The following ATP1B4 variants were observed in gnomAD, a reference collection of about 807,000 sequenced individuals.
The protein encoded by ATP1B4 is protein ATP1B4.
A neutral mutation model predicts 29.6 loss-of-function variants in ATP1B4; 32 were observed. The ratio of observed to expected loss-of-function variants is 1.08; its 90% confidence interval spans 0.82 to 1.45. ATP1B4 has a LOEUF of 1.45. Ranked by LOEUF, ATP1B4 falls within the 40% of genes most tolerant of loss-of-function variation. ATP1B4 has a pLI of 0.00. For synonymous variants in ATP1B4, 127 were observed against 102.1 expected (o/e 1.24, Z -1.47); for missense variants, 323 against 276.2 (o/e 1.17, Z -1.20).
chrX:120,379,628 A>T lies in ATP1B4; in HGVS notation c.1068A>T (p.Glu356Asp), dbSNP rs1334182837. 1 of 1,201,211 alleles carries T rather than the reference A, an allele frequency of 8.3e-7. No individual in the cohort carries two copies. The highest frequency in any genetic ancestry group is 1.8e-5 in the African/African-American group (1 of 56,711). The change falls in exon 8 of 8, where the codon GAA (glutamate) becomes GAT (aspartate). Residue 356 changes from glutamate (E) to aspartate (D), a missense_variant. Coordinates refer to ENST00000218008, the MANE Select transcript of ATP1B4 (RefSeq NM_001142447.3). ...GGGTAATCTTTACCCTGAACATAGA[A>T]ACTTAAGAACTTCAGGGGGCCATTC... ...VGRVIFTLNI[E>D]T
In ATP1B4 at chrX:120,375,457, C is replaced by G; in HGVS notation, c.648C>G (p.Asp216Glu). 8.3e-7 allele frequency: 1 copy of G among 1,210,956 alleles called. No homozygotes were observed. The highest frequency in any genetic ancestry group is 1.1e-6 in the Non-Finnish European group (1 of 894,884). The change falls in exon 5 of 8, where the codon GAC becomes GAG. Residue 216 changes from aspartate (D) to glutamate (E), a missense_variant. Transcript: ENST00000218008. ...YFIQDGNEDE[D>E]KKACQFKRSF... is the part of the protein sequence containing the mutation. ...TCCAAGATGGCAATGAGGATGAGGA[C>G]AAGAAGGCCTGCCAATTTAAGCGCT... is the stretch of plus-strand genomic sequence containing the variant.
chrX:120,371,125 C>T lies in ATP1B4; in HGVS notation c.477C>T (p.Phe159=), dbSNP rs188398114. 2.5e-5 allele frequency: 30 copies of T among 1,208,714 alleles called. No homozygotes were observed. Among genetic ancestry groups the T allele is most frequent in the East Asian group, 1.2e-4 (4 of 33,779 alleles). ...VKPPGVMIRP[F]AHSLNFNFNV... ...TGCCAGGAGTTATGATCAGACCCTTCGCCCATAGCCTTAACTTCAACTTCA... is the reference window on the plus strand; with the variant it reads ...TGCCAGGAGTTATGATCAGACCCTTTGCCCATAGCCTTAACTTCAACTTCA... The change falls in exon 4 of 8, where the codon TTC becomes TTT. Residue 159 remains phenylalanine (F), a synonymous_variant. Transcript: ENST00000218008.
intron 4 of ATP1B4, among the ~76,000 whole-genome samples, chrX:120,374,197 C>T (rs2058328483): frequency 9.1e-6 from 1 of 110,311 alleles, no homozygotes; most frequent in South Asian, 3.9e-4. Flanking sequence ...CAATCAAATC[C>T]ATGTACATTG....
At chrX:120,375,235 C>T in intron 4 of ATP1B4, 137 bp from the exon 5 acceptor site, 2 of 540,930 alleles carry the variant, frequency 3.7e-6, no homozygotes, top group Non-Finnish European at 6.1e-6. Context: ...TGCCAGGTCA[C>T]AGGTAGACTG....
rs2058377719 is a variant in ATP1B4, at chrX:120,380,718, T to C, written c.*1084T>C. The C allele has an allele frequency of 1.8e-5, 2 of 112,301 alleles. No homozygotes were observed. Among genetic ancestry groups the C allele is most frequent in the African/African-American group, 3.2e-5 (1 of 30,869 alleles). 9.3% of individuals were successfully genotyped at this position (112,301 alleles called of 1,213,427 possible). On this transcript the variant is annotated 3_prime_UTR_variant, in exon 8 of 8. Transcript: ENST00000218008. ...AGACCAGCAGCTACAGCTCTGGAAA[T>C]TGAAATCATAATCTGTCAATGAATA... is the stretch of plus-strand genomic sequence containing the variant.
Position 120,374,333 on chromosome X carries a change from C to T in ATP1B4, c.563-1039C>T, listed in dbSNP as rs887247272. 1.5e-4 allele frequency among the ~76,000 whole-genome samples: 16 copies of T among 105,762 alleles called. No individual in the cohort carries two copies. In the East Asian group the frequency reaches 3.6e-3, roughly 24 times the overall value. The allele number at this position is 105,762 out of a possible 115,157, so 91.8% of individuals were successfully genotyped here. A position where few individuals can be genotyped will look rare whatever the true frequency, so the allele number is the denominator to read the frequency against. ...CGGGAGGTGGGGTGCTACTGAACCA[C>T]GAGCAGGTAGCCATAAGGGCAATCC... On this transcript the variant is annotated intron_variant, in intron 4 of 7. Transcript: ENST00000218008.
In ATP1B4 at chrX:120,366,517, T is replaced by A. The variant is rs752387216; in HGVS notation, c.64-8T>A. On this transcript the variant is annotated splice_polypyrimidine_tract_variant and splice_region_variant and intron_variant, in intron 1 of 7. Transcript: ENST00000218008. ...CAAAAAGGGTATTGTGTTTTGTCAC[T>A]GTTCCAGGATGATCCGGATGAAGCG... 8.4e-7 allele frequency: 1 copy of A among 1,193,248 alleles called. No homozygotes were observed. The highest frequency in any genetic ancestry group is 1.8e-5 in the African/African-American group (1 of 56,351).
chrX:120,375,890 C>CT (rs1187326245), intron 5 of ATP1B4, among the ~76,000 whole-genome samples: 2 of 110,492 alleles, frequency 1.8e-5, no homozygotes, highest in Non-Finnish European at 3.8e-5. Context: ...GTTGCTTGAG[C>CT]TTAGGAGTTC....
At position 120,375,183 on chromosome X, in the gene ATP1B4, TC is replaced by T. The variant is rs778455301; in HGVS notation, c.563-187del. Among the ~76,000 whole-genome samples, 610 of 106,803 alleles carry T rather than the reference TC, an allele frequency of 5.7e-3. 1 individual carries two copies. Among genetic ancestry groups the T allele is most frequent in the South Asian group, 0.011 (26 of 2,434 alleles). The allele number at this position is 106,803 out of a possible 115,157, so 92.7% of individuals were successfully genotyped here. ...GCTGAAGTGACTAGTCAGGAAGACT[TC>T]CTAGAGGGATGGCTGCCGATGAAGG... On this transcript the variant is annotated intron_variant, in intron 4 of 7. Transcript: ENST00000218008.
chrX:120,378,001 C>T (rs943418478), intron 6 of ATP1B4, among the ~76,000 whole-genome samples: 1 of 111,835 alleles, frequency 8.9e-6, no homozygotes. Context: ...GCAGCCCCTA[C>T]CTGACATAAT....
Position 120,376,366 on chromosome X carries a change from T to A in ATP1B4, c.760-14T>A, listed in dbSNP as rs1226180094. 3.3e-6 allele frequency: 4 copies of A among 1,203,936 alleles called. No individual in the cohort carries two copies. In the African/African-American group the frequency reaches 7.0e-5, roughly 21 times the overall value. On this transcript the variant is annotated splice_polypyrimidine_tract_variant and intron_variant, in intron 5 of 7. Transcript: ENST00000218008. ...TTGTTAAAAAAAAATAAAACACTGG[T>A]TTTCTTTTGATAGATTGTAGGCTTT... is the stretch of plus-strand genomic sequence containing the variant.
Position 120,366,598 on chromosome X carries a change from C to T in ATP1B4, c.137C>T (p.Thr46Met), listed in dbSNP as rs147823363. The T allele has an allele frequency of 2.9e-3, 3,464 of 1,195,912 alleles. 6 individuals are homozygous for T. The highest frequency in any genetic ancestry group is 0.011 in the Middle Eastern group (48 of 4,313). Residue 46 changes from threonine to methionine, a missense_variant, in exon 2 of 8, where the codon ACG becomes ATG. Transcript: ENST00000218008. ...EEEAEEEARV[T>M]VVPKSEEEEE... ...GAAGCAGAAGAAGAGGCTCGGGTGA[C>T]GGTGGTGCCCAAATCGGAGGAGGAG...
chrX:120,365,477 G>C (rs998496280), intron 1 of ATP1B4, among the ~76,000 whole-genome samples: 1 of 112,207 alleles, frequency 8.9e-6, no homozygotes, highest in Non-Finnish European at 1.9e-5. Context: ...ATCAGGCCGG[G>C]AGGGGGCAGC....
rs1465548201 is a variant in ATP1B4, at chrX:120,381,745, C to T, written c.*2111C>T. The T allele has an allele frequency of 1.8e-5, 2 of 112,357 alleles. No individual in the cohort carries two copies. Among genetic ancestry groups the T allele is most frequent in the South Asian group, 3.7e-4 (1 of 2,712 alleles). The allele number at this position is 112,357 out of a possible 1,213,427, so 9.3% of individuals were successfully genotyped here. A position where few individuals can be genotyped will look rare whatever the true frequency, so the allele number is the denominator to read the frequency against. On this transcript the variant is annotated 3_prime_UTR_variant, in exon 8 of 8. Coordinates refer to ENST00000218008, the MANE Select transcript of ATP1B4 (RefSeq NM_001142447.3). ...GGATTACAGGCGTGAGCCACCGCACCCGGCTTGCAATTTAGAAAGGGCACT... is the reference window on the plus strand; with the variant it reads ...GGATTACAGGCGTGAGCCACCGCACTCGGCTTGCAATTTAGAAAGGGCACT...
chrX:120,371,357 C>T (rs2058312598), intron 4 of ATP1B4, 147 bp downstream of exon 4: 2 of 459,812 alleles, frequency 4.3e-6, no homozygotes, highest in Non-Finnish European at 3.8e-6. Context: ...CCCCTTAGCA[C>T]CTGTAGCTAC....
At position 120,378,670 on chromosome X, in the gene ATP1B4, G is replaced by T. The variant is rs776312544; in HGVS notation, c.817-8G>T. The T allele has an allele frequency of 8.3e-7, 1 of 1,204,677 alleles. No homozygotes were observed. The highest frequency in any genetic ancestry group is 1.8e-5 in the African/African-American group (1 of 56,859). On this transcript the variant is annotated splice_polypyrimidine_tract_variant and splice_region_variant and intron_variant, in intron 6 of 7. Transcript: ENST00000218008. ...CAGCACCCCACATATACCTGCTTTTGCTTACAGAGAGGTGATGAAAATGAC... is the reference window on the plus strand; with the variant it reads ...CAGCACCCCACATATACCTGCTTTTTCTTACAGAGAGGTGATGAAAATGAC...
At chrX:120,369,787 G>A (rs1413688086) in intron 2 of ATP1B4, among the ~76,000 whole-genome samples, 2 of 111,909 alleles carry the variant, frequency 1.8e-5, no homozygotes, top group Non-Finnish European at 3.8e-5. Context: ...GGTGCAATTA[G>A]TATTTGCCAG....
chrX:120,375,245 G>C, intron 4 of ATP1B4, 127 bp from the exon 5 acceptor site: 2 of 573,564 alleles, frequency 3.5e-6, no homozygotes, highest in Admixed American at 3.2e-5. Context: ...CAGGTAGACT[G>C]AGTGGGCTTT....
intron 1 of ATP1B4, among the ~76,000 whole-genome samples, chrX:120,362,465 G>A (rs1261705701): frequency 9.0e-6 from 1 of 111,697 alleles, no homozygotes; most frequent in Non-Finnish European, 1.9e-5. Context: ...CAAAGATAAG[G>A]GAAGGAGAAG....
Sources: gnomAD v4.1 joint callset for allele counts (sites outside exome capture counted in the v4.1 genomes callset) on GRCh38, gnomAD v4.1.1 for gene constraint, MANE v1.5 for transcripts, NCBI Gene and HGNC (gene_info 2026-07-23, HGNC 2026-07-21) for gene names.